The following SLC30A6 variants were observed in gnomAD, a reference collection of about 807,000 sequenced individuals.
SLC30A6 encodes zinc transporter 6.
SLC30A6 carries 55 observed loss-of-function variants against 63.0 expected under a neutral mutation model. The observed-to-expected ratio is 0.87, with a 90% confidence interval of 0.70 to 1.09. The LOEUF is 1.09. Among genes scored for constraint, SLC30A6 ranks in the 50% least tolerant of loss-of-function variants. The pLI is 0.00. For synonymous variants in SLC30A6, 224 were observed against 186.1 expected (o/e 1.20, Z -1.66); for missense variants, 587 against 549.2 (o/e 1.07, Z -0.69).
At chr2:32,186,153 A>T (rs1374417566) in intron 5 of SLC30A6, among the ~76,000 whole-genome samples, 1 of 151,044 alleles carries the variant, frequency 6.6e-6, no homozygotes, top group Non-Finnish European at 1.5e-5. Flanking sequence ...TTATGCCTCA[A>T]CCTCCAGGGT....
chr2:32,220,398 C>T lies in SLC30A6; in HGVS notation c.1071C>T (p.His357=), dbSNP rs761099932. The change falls in exon 14 of 14, where the codon CAC becomes CAT. Residue 357 remains histidine, a synonymous_variant. Coordinates refer to ENST00000282587, the MANE Select transcript of SLC30A6 (RefSeq NM_017964.5). ...ATGTCCTAAACTTTTCAGATCATCACGTAATCCCAATGCCTCTTTTAAAGG... is the reference window on the plus strand; with the variant it reads ...ATGTCCTAAACTTTTCAGATCATCATGTAATCCCAATGCCTCTTTTAAAGG... The part of the protein sequence containing the change: ...AANVLNFSDH[H]VIPMPLLKGT... The T allele has an allele frequency of 3.3e-5, 54 of 1,614,060 alleles. No individual in the cohort carries two copies. In the South Asian group the frequency reaches 4.4e-4, roughly 13 times the overall value.
At chr2:32,199,424 T>G (rs1482609987) in intron 10 of SLC30A6, among the ~76,000 whole-genome samples, 1 of 152,212 alleles carries the variant, frequency 6.6e-6, no homozygotes, top group Non-Finnish European at 1.5e-5. Context: ...TAATTTTTTA[T>G]TTTTGTAGGC....
At chr2:32,210,538 A>AG (rs1685173825) in intron 13 of SLC30A6, among the ~76,000 whole-genome samples, 2 of 133,528 alleles carry the variant, frequency 1.5e-5, no homozygotes, top group Admixed American at 7.5e-5. Context: ...AAAAAAAAAA[A>AG]CAACAGAAAA....
rs189641716 is a variant in SLC30A6, at chr2:32,185,742, C to T, written c.284+1404C>T. Among the ~76,000 whole-genome samples the T allele has an allele frequency of 2.3e-3, 352 of 152,026 alleles. 1 individual carries two copies. The highest frequency in any genetic ancestry group is 1.7e-3 in the South Asian group (8 of 4,824). ...TTTTAATTTTATTTATTTTTTGAGA[C>T]GGATTCTCACTCTGTCACCCAGGCT... On this transcript the variant is annotated intron_variant, in intron 5 of 13. Transcript: ENST00000282587.
chr2:32,170,640 C>T (rs1282704824), intron 1 of SLC30A6, among the ~76,000 whole-genome samples: 1 of 152,152 alleles, frequency 6.6e-6, no homozygotes, highest in Non-Finnish European at 1.5e-5. Context: ...ACTCTGTCAC[C>T]GAGGCCAGAG....
intron 13 of SLC30A6, among the ~76,000 whole-genome samples, chr2:32,218,687 G>GCACC (rs1467299584): frequency 6.6e-6 from 1 of 152,184 alleles, no homozygotes; most frequent in Admixed American, 6.5e-5. Flanking sequence ...CTCCTGAGTA[G>GCACC]TTGGGATTAC....
chr2:32,181,894 A>G (rs1287398732), intron 4 of SLC30A6, among the ~76,000 whole-genome samples: 2 of 151,532 alleles, frequency 1.3e-5, no homozygotes, highest in Non-Finnish European at 2.9e-5. Flanking sequence ...ATAATAAATT[A>G]ATGATTGAAG....
At chr2:32,171,423 A>G in intron 2 of SLC30A6, 50 bp downstream of exon 2, 1 of 1,400,164 alleles carries the variant, frequency 7.1e-7, no homozygotes, top group Non-Finnish European at 1.0e-6. Flanking sequence ...ACAACATTAT[A>G]ACATTGAAGA....
chr2:32,201,986 GAAGAA>G, intron 10 of SLC30A6: 1 of 1,324,880 alleles, frequency 7.5e-7, no homozygotes, highest in South Asian at 1.3e-5. Flanking sequence ...CATAAGTCAA[GAAGAA>G]AAGATCTACT....
intron 13 of SLC30A6, among the ~76,000 whole-genome samples, chr2:32,212,215 T>G (rs929883335): frequency 2.6e-5 from 4 of 152,164 alleles, no homozygotes; most frequent in African/African-American, 9.6e-5. Context: ...TGATCTTTTT[T>G]TCTTGTATTA....
intron 12 of SLC30A6, among the ~76,000 whole-genome samples, chr2:32,207,885 A>G (rs1221367975): frequency 1.3e-5 from 2 of 148,776 alleles, no homozygotes; most frequent in African/African-American, 5.0e-5. Flanking sequence ...TTTTTAGTAG[A>G]GACAGGGTTT....
At chr2:32,171,399 T>C (rs1471602930) in intron 2 of SLC30A6, 26 bp downstream of exon 2, 7 of 1,549,276 alleles carry the variant, frequency 4.5e-6, no homozygotes, top group Middle Eastern at 1.7e-4. Flanking sequence ...ACCCCAATTT[T>C]AATTATTGCA....
intron 4 of SLC30A6, among the ~76,000 whole-genome samples, chr2:32,175,681 A>G: frequency 6.6e-6 from 1 of 152,158 alleles, no homozygotes; most frequent in East Asian, 1.9e-4. Context: ...TTAGAGACAT[A>G]ACAGTAATTA....
In SLC30A6 at chr2:32,197,265, A is replaced by T. The variant is rs1683873346; in HGVS notation, c.497-79A>T. On this transcript the variant is annotated intron_variant, in intron 8 of 13. Coordinates refer to ENST00000282587, the MANE Select transcript of SLC30A6 (RefSeq NM_017964.5). ...TCAGTCACTGCCAAATTTATTTTTT[A>T]AAATTAAAGAACTCAAATATTTCAG... 5 of 1,298,090 alleles carry T rather than the reference A, an allele frequency of 3.9e-6. No individual in the cohort carries two copies. In the South Asian group the frequency reaches 7.0e-5, roughly 18 times the overall value. 80.4% of individuals were successfully genotyped at this position (1,298,090 alleles called of 1,614,324 possible). A position where few individuals can be genotyped will look rare whatever the true frequency, so the allele number is the denominator to read the frequency against.
At chr2:32,175,538 T>C (rs963364593) in intron 4 of SLC30A6, among the ~76,000 whole-genome samples, 177 bp downstream of exon 4, 2 of 152,230 alleles carry the variant, frequency 1.3e-5, no homozygotes, top group African/African-American at 4.8e-5. Flanking sequence ...ATTTCATTTA[T>C]ATGAAATGTC....
chr2:32,177,545 G>A, intron 4 of SLC30A6: 1 of 206,318 alleles, frequency 4.8e-6, no homozygotes, highest in Non-Finnish European at 1.1e-5. Context: ...ACCCACCTCG[G>A]CCTACCAAAG....
intron 5 of SLC30A6, among the ~76,000 whole-genome samples, chr2:32,185,676 AAATC>A (rs1192390171): frequency 3.3e-5 from 5 of 152,084 alleles, no homozygotes; most frequent in African/African-American, 1.2e-4. Context: ...GGATTTTCAT[AAATC>A]AATCATAAAT....
chr2:32,168,948 G>T (rs185140615), intron 1 of SLC30A6, among the ~76,000 whole-genome samples: 3 of 152,074 alleles, frequency 2.0e-5, no homozygotes, highest in African/African-American at 7.2e-5. Context: ...TTGTCAGGAT[G>T]GCATCAGAAG....
intron 5 of SLC30A6, among the ~76,000 whole-genome samples, chr2:32,189,802 G>T (rs1272466081): frequency 6.6e-6 from 1 of 151,558 alleles, no homozygotes; most frequent in Non-Finnish European, 1.5e-5. Flanking sequence ...GGAGTCAGGG[G>T]TCTCACCATA....
Sources: allele counts gnomAD v4.1 joint callset (sites outside exome capture counted in the v4.1 genomes callset), GRCh38; gene constraint gnomAD v4.1.1; transcripts MANE v1.5; gene names NCBI Gene and HGNC (gene_info 2026-07-23, HGNC 2026-07-21).